Variants in YAF2 observed in about 807,000 individuals in gnomAD.
YAF2 encodes the protein YY1 associated factor 2, also known as YY1-associated factor 2.
YAF2 carries 7 observed loss-of-function variants against 20.1 expected under a neutral mutation model. The observed-to-expected ratio is 0.35, with a 90% CI of 0.20 to 0.65. The LOEUF (loss-of-function observed/expected upper bound fraction) is 0.65, where lower values mean the gene tolerates loss of function less well. YAF2 is among the 30% of genes least tolerant of loss of function. The probability of loss-of-function intolerance (pLI) is 0.69; values close to 1 mark genes in which losing one functional copy is unlikely to be tolerated. For missense variants in YAF2, 151 were observed against 219.2 expected, an observed-to-expected ratio of 0.69 and a Z score of 1.96; for synonymous variants, 74 against 76.0, an observed-to-expected ratio of 0.97 and a Z score of 0.14.
In YAF2 at chr12:42,177,484, C is replaced by T. The variant is rs193152756; in HGVS notation, c.153-15719G>A. 1.7e-3 allele frequency among the ~76,000 whole-genome samples: 262 copies of T among 152,214 alleles called. 1 individual carries two copies. Among genetic ancestry groups the T allele is most frequent in the African/African-American group, 5.5e-3 (229 of 41,512 alleles). Reference sequence around the variant, plus strand: ...CCTCAGTGCATGCACAGGGAGAGACCGACAAACCTCTCCCTCTTCTTACAA... The same window carrying T: ...CCTCAGTGCATGCACAGGGAGAGACTGACAAACCTCTCCCTCTTCTTACAA... On this transcript the variant is annotated intron_variant, in intron 2 of 3. Coordinates refer to ENST00000534854, the MANE Select transcript of YAF2 (RefSeq NM_005748.6).
At chr12:42,194,817 G>A (rs2066708344) in intron 2 of YAF2, among the ~76,000 whole-genome samples, 1 of 152,090 alleles carries the variant, frequency 6.6e-6, no homozygotes, top group Non-Finnish European at 1.5e-5. Context: ...GTAAAAACAT[G>A]CAAACATACA....
At chr12:42,176,787 C>A (rs1325450206) in intron 2 of YAF2, among the ~76,000 whole-genome samples, 2 of 152,036 alleles carry the variant, frequency 1.3e-5, no homozygotes, top group Non-Finnish European at 2.9e-5. Flanking sequence ...TATGGCGAAA[C>A]CCCGTCACCA....
At chr12:42,205,932 A>G (rs746137429) in intron 2 of YAF2, 7 of 392,136 alleles carry the variant, frequency 1.8e-5, no homozygotes, top group Non-Finnish European at 3.5e-5. Flanking sequence ...TTAATTCTTG[A>G]AAATTCTTAA....
rs2065783107 is a variant in YAF2, at chr12:42,160,829, A to C, written c.306-3T>G. On this transcript the variant is annotated splice_polypyrimidine_tract_variant and splice_region_variant and intron_variant, in intron 3 of 3. Coordinates refer to ENST00000534854, the MANE Select transcript of YAF2 (RefSeq NM_005748.6). Reference sequence around the variant, plus strand: ...GATCCACATTTTTCAATCTTGGCCTAAACATAAAAAAATGAAATTTTAAAC... The same window carrying C: ...GATCCACATTTTTCAATCTTGGCCTCAACATAAAAAAATGAAATTTTAAAC... The C allele has an allele frequency of 6.3e-7, 1 of 1,586,442 alleles. No homozygotes were observed. The highest frequency in any genetic ancestry group is 1.4e-5 in the African/African-American group (1 of 73,396).
At chr12:42,194,311 C>T (rs2066692379) in intron 2 of YAF2, among the ~76,000 whole-genome samples, 1 of 152,154 alleles carries the variant, frequency 6.6e-6, no homozygotes, top group African/African-American at 2.4e-5. Flanking sequence ...GAGCAACCTC[C>T]AGCCTTGCAA....
In YAF2 at chr12:42,234,197, AAGAAAAGAAAAG is replaced by A. The variant is rs2068069354; in HGVS notation, c.152+3390_152+3401del. The A allele has an allele frequency of 2.8e-5, 4 of 143,174 alleles. No homozygotes were observed. In the African/African-American group the frequency reaches 4.5e-4, roughly 16 times the overall value. The allele number at this position is 143,174 out of a possible 1,614,324, so 8.9% of individuals were successfully genotyped here. On this transcript the variant is annotated intron_variant, in intron 2 of 3. Coordinates refer to ENST00000534854, the MANE Select transcript of YAF2 (RefSeq NM_005748.6). ...TTCTGCCTCAAAAAAAAAAAGAGAA[AAGAAAAGAAAAG>A]AAAAGAAAAGAAAAGAAAAGAAAGA...
At chr12:42,191,156 T>C (rs906810962) in intron 2 of YAF2, among the ~76,000 whole-genome samples, 6 of 152,192 alleles carry the variant, frequency 3.9e-5, no homozygotes, top group Non-Finnish European at 7.4e-5. Context: ...AGTCTACCAT[T>C]GCTGTTAATG....
intron 2 of YAF2, among the ~76,000 whole-genome samples, chr12:42,195,554 T>C (rs951093949): frequency 1.3e-5 from 2 of 152,134 alleles, no homozygotes; most frequent in South Asian, 4.1e-4. Context: ...GAAAACAATA[T>C]TCCGTAAAAT....
chr12:42,182,586 G>A (rs1033337236), intron 2 of YAF2, among the ~76,000 whole-genome samples: 1 of 151,946 alleles, frequency 6.6e-6, no homozygotes, highest in Non-Finnish European at 1.5e-5. Flanking sequence ...TATAGAAGAG[G>A]TTGCAAAAGA....
chr12:42,163,416 T>C (rs909810206), intron 2 of YAF2, among the ~76,000 whole-genome samples: 1 of 152,212 alleles, frequency 6.6e-6, no homozygotes, highest in Non-Finnish European at 1.5e-5. Context: ...TACACTACAG[T>C]AGAAGTAAAA....
intron 2 of YAF2, among the ~76,000 whole-genome samples, chr12:42,215,949 A>C (rs1162420253): frequency 6.6e-6 from 1 of 150,698 alleles, no homozygotes. Context: ...TAAATAAATA[A>C]ATAAATAAAT....
At chr12:42,193,097 T>C (rs1334510588) in intron 2 of YAF2, among the ~76,000 whole-genome samples, 2 of 152,104 alleles carry the variant, frequency 1.3e-5, no homozygotes, top group Non-Finnish European at 2.9e-5. Context: ...GGCAGATCAC[T>C]AGAGGCCAGG....
chr12:42,183,961 A>C (rs2137061108), intron 2 of YAF2, among the ~76,000 whole-genome samples: 1 of 152,284 alleles, frequency 6.6e-6, no homozygotes. Flanking sequence ...AAATTCCTAG[A>C]CCCTTTGAAA....
intron 2 of YAF2, among the ~76,000 whole-genome samples, chr12:42,209,120 T>C (rs1246677261): frequency 6.6e-6 from 1 of 152,210 alleles, no homozygotes; most frequent in African/African-American, 2.4e-5. Context: ...GAACCAATTC[T>C]GTCACAATTC....
At position 42,235,398 on chromosome 12, in the gene YAF2, T is replaced by C. The variant is rs2068116619; in HGVS notation, c.152+2201A>G. On this transcript the variant is annotated intron_variant, in intron 2 of 3. Coordinates refer to ENST00000534854, the MANE Select transcript of YAF2 (RefSeq NM_005748.6). ...CCAGAGAGGAAAAATATTAATATTC[T>C]GTGATGCAATCAATATCTTCTCTAG... 12 of 1,034,012 alleles carry C rather than the reference T, an allele frequency of 1.2e-5. No individual in the cohort carries two copies. The South Asian group carries it at 4.4e-4, about 38-fold the overall frequency. 64.1% of individuals were successfully genotyped at this position (1,034,012 alleles called of 1,614,324 possible).
intron 2 of YAF2, among the ~76,000 whole-genome samples, chr12:42,201,865 A>G (rs2066907226): frequency 6.6e-6 from 1 of 152,098 alleles, no homozygotes; most frequent in Non-Finnish European, 1.5e-5. Flanking sequence ...GAGTTACCAC[A>G]CCCAGCCTGA....
intron 2 of YAF2, chr12:42,233,693 A>G (rs1565665282): frequency 2.4e-6 from 2 of 822,526 alleles, no homozygotes; most frequent in Non-Finnish European, 2.9e-6. Flanking sequence ...TTTAATTTTT[A>G]GTAGAGACGA....
At chr12:42,206,713 A>G (rs2124496) in intron 2 of YAF2, among the ~76,000 whole-genome samples, 101 of 152,204 alleles carry the variant, frequency 6.6e-4, no homozygotes, top group African/African-American at 2.3e-3. Context: ...ACAAAAAAAA[A>G]ATCACTTTTT....
intron 2 of YAF2, among the ~76,000 whole-genome samples, chr12:42,194,879 C>G (rs1463779588): frequency 6.6e-6 from 1 of 152,166 alleles, no homozygotes; most frequent in East Asian, 1.9e-4. Flanking sequence ...ACAAATGAAG[C>G]TGTGTAACTC....
Sources: gnomAD v4.1 joint callset for allele counts (sites outside exome capture counted in the v4.1 genomes callset) on GRCh38, gnomAD v4.1.1 for gene constraint, MANE v1.5 for transcripts, NCBI Gene and HGNC (gene_info 2026-07-23, HGNC 2026-07-21) for gene names.